GLRA3: variants seen among roughly 807,000 people sequenced by gnomAD.
GLRA3 encodes glycine receptor alpha 3, also known as glycine receptor subunit alpha-3.
In GLRA3, 44 loss-of-function variants were observed where a neutral mutation model predicts 60.4. The observed-to-expected ratio is 0.73, with a 90% CI of 0.57 to 0.94. The LOEUF (loss-of-function observed/expected upper bound fraction) is 0.94. Ranked by LOEUF, GLRA3 falls within the 40% of genes least tolerant of loss-of-function variation. The probability of loss-of-function intolerance (pLI) is 0.00; values close to 1 mark genes in which losing one functional copy is unlikely to be tolerated. For missense variants in GLRA3, 508 were observed against 564.6 expected, an observed-to-expected ratio of 0.90 and a Z score of 1.02; for synonymous variants, 223 against 192.9, an observed-to-expected ratio of 1.16 and a Z score of -1.29.
At chr4:174,669,859 A>G (rs1189576576) in intron 7 of GLRA3, among the ~76,000 whole-genome samples, 1 of 152,196 alleles carries the variant, frequency 6.6e-6, no homozygotes, top group Non-Finnish European at 1.5e-5. Context: ...TACAGGTGTG[A>G]GCCACTCACG....
At position 174,766,945 on chromosome 4, in the gene GLRA3, G is replaced by T; in HGVS notation, c.267+18C>A. On this transcript the variant is annotated intron_variant, in intron 3 of 9. Transcript: ENST00000274093. ...AGATTACTCTAGTGTGAAACTTGTT[G>T]CAAAGTAAAATGCCTACCATGGTCG... 2 of 1,424,916 alleles carry T rather than the reference G, an allele frequency of 1.4e-6. No individual in the cohort carries two copies. The highest frequency in any genetic ancestry group is 2.0e-6 in the Non-Finnish European group (2 of 1,015,914). 88.3% of individuals were successfully genotyped at this position (1,424,916 alleles called of 1,614,324 possible). A position where few individuals can be genotyped will look rare whatever the true frequency, so the allele number is the denominator to read the frequency against.
chr4:174,682,036 T>A (rs1053462454), intron 6 of GLRA3, among the ~76,000 whole-genome samples: 1 of 152,164 alleles, frequency 6.6e-6, no homozygotes, highest in Non-Finnish European at 1.5e-5. Flanking sequence ...GAGTCCACGA[T>A]GAATCATAGT....
intron 3 of GLRA3, among the ~76,000 whole-genome samples, chr4:174,744,503 T>C (rs1430002649): frequency 2.0e-5 from 3 of 152,230 alleles, no homozygotes; most frequent in Non-Finnish European, 4.4e-5. Flanking sequence ...CCTCCACTAG[T>C]TCCTGTACCC....
At chr4:174,651,432 C>T (rs1733018077) in intron 9 of GLRA3, among the ~76,000 whole-genome samples, 1 of 152,050 alleles carries the variant, frequency 6.6e-6, no homozygotes, top group African/African-American at 2.4e-5. Context: ...ATATAAACCA[C>T]CGGACAAAGC....
At chr4:174,776,067 TC>T (rs1198439625) in intron 2 of GLRA3, among the ~76,000 whole-genome samples, 4 of 152,258 alleles carry the variant, frequency 2.6e-5, no homozygotes, top group African/African-American at 9.6e-5. Context: ...TTGAGAGCTT[TC>T]TGCTTCCCCT....
At chr4:174,787,207 G>T (rs1211131886) in intron 2 of GLRA3, among the ~76,000 whole-genome samples, 1 of 152,088 alleles carries the variant, frequency 6.6e-6, no homozygotes, top group Non-Finnish European at 1.5e-5. Context: ...TAACTGCTGA[G>T]ACTGTTTATA....
intron 3 of GLRA3, among the ~76,000 whole-genome samples, chr4:174,762,646 C>T (rs1486261058): frequency 6.6e-6 from 1 of 152,124 alleles, no homozygotes; most frequent in Non-Finnish European, 1.5e-5. Flanking sequence ...CACCTGTGAT[C>T]ACCAAATAGA....
chr4:174,648,019 A>G (rs1230401239), intron 9 of GLRA3, among the ~76,000 whole-genome samples: 1 of 152,240 alleles, frequency 6.6e-6, no homozygotes, highest in Non-Finnish European at 1.5e-5. Flanking sequence ...TAAGGAGCTG[A>G]TAACATATTT....
chr4:174,828,854 AG>A lies in GLRA3; in HGVS notation c.-44del. ...ACGATCCTGAAAATAGTCTTATCCA[AG>A]GCATGGGGAACCAGAAAGACAGAAT... On this transcript the variant is annotated 5_prime_UTR_variant, in exon 1 of 10. An upstream open reading frame in the 5' UTR gains an earlier in-frame stop. Transcript: ENST00000274093. 3 of 1,251,424 alleles carry A rather than the reference AG, an allele frequency of 2.4e-6. 1 individual carries two copies. The South Asian group carries it at 3.6e-5, about 15-fold the overall frequency. The allele number at this position is 1,251,424 out of a possible 1,614,324, so 77.5% of individuals were successfully genotyped here. A position where few individuals can be genotyped will look rare whatever the true frequency, so the allele number is the denominator to read the frequency against.
intron 3 of GLRA3, among the ~76,000 whole-genome samples, chr4:174,739,550 C>T (rs1736929522): frequency 2.0e-5 from 3 of 152,190 alleles, no homozygotes; most frequent in East Asian, 1.9e-4. Flanking sequence ...TTCTAAGAAT[C>T]ATAAGAGCAT....
intron 2 of GLRA3, among the ~76,000 whole-genome samples, chr4:174,784,000 G>A (rs551819863): frequency 1.0e-4 from 15 of 150,258 alleles, no homozygotes; most frequent in Admixed American, 4.7e-4. Context: ...AAATCATGCT[G>A]CTATAAAGAC....
At chr4:174,796,333 C>T (rs969310884) in intron 1 of GLRA3, among the ~76,000 whole-genome samples, 1 of 152,084 alleles carries the variant, frequency 6.6e-6, no homozygotes, top group African/African-American at 2.4e-5. Context: ...TATAAGCCAT[C>T]CAGTTTATAG....
intron 5 of GLRA3, among the ~76,000 whole-genome samples, chr4:174,710,403 T>C (rs1311269523): frequency 6.6e-6 from 1 of 152,150 alleles, no homozygotes; most frequent in East Asian, 1.9e-4. Flanking sequence ...ATCACCTTCT[T>C]TTTTCAGATT....
chr4:174,671,047 G>C (rs1446572436), intron 7 of GLRA3, among the ~76,000 whole-genome samples: 1 of 151,074 alleles, frequency 6.6e-6, no homozygotes, highest in Middle Eastern at 3.3e-3. Context: ...AATCATATTA[G>C]CTAGTATGAT....
chr4:174,775,467 G>A (rs1738563495), intron 2 of GLRA3, among the ~76,000 whole-genome samples: 1 of 152,042 alleles, frequency 6.6e-6, no homozygotes, highest in Admixed American at 6.6e-5. Context: ...TACATCGTGA[G>A]GGCAAACAAA....
intron 1 of GLRA3, among the ~76,000 whole-genome samples, chr4:174,794,371 A>G (rs1025946383): frequency 3.9e-5 from 6 of 152,142 alleles, no homozygotes; most frequent in African/African-American, 1.4e-4. Context: ...TGATGCTTGC[A>G]TTTTCTGTAG....
intron 1 of GLRA3, among the ~76,000 whole-genome samples, chr4:174,798,416 G>A (rs1405942204): frequency 6.6e-6 from 1 of 152,066 alleles, no homozygotes; most frequent in Admixed American, 6.5e-5. Flanking sequence ...TGAAAGATAT[G>A]AGCCTTTTAC....
intron 2 of GLRA3, among the ~76,000 whole-genome samples, chr4:174,772,129 C>T (rs571720908): frequency 3.1e-4 from 47 of 152,120 alleles, no homozygotes; most frequent in African/African-American, 1.0e-3. Flanking sequence ...ATAGTAAGGC[C>T]GATGGATGAA....
chr4:174,767,925 T>A (rs1738219313), intron 2 of GLRA3, among the ~76,000 whole-genome samples: 1 of 148,992 alleles, frequency 6.7e-6, no homozygotes, highest in East Asian at 1.9e-4. Context: ...TTATAATTTT[T>A]GTTCAGGCTC....
Sources: gnomAD v4.1 joint callset for allele counts (sites outside exome capture counted in the v4.1 genomes callset) on GRCh38, gnomAD v4.1.1 for gene constraint, MANE v1.5 for transcripts, NCBI Gene and HGNC (gene_info 2026-07-23, HGNC 2026-07-21) for gene names.